PTPRG: variants seen among roughly 807,000 people sequenced by gnomAD.
PTPRG encodes receptor-type tyrosine-protein phosphatase gamma.
A neutral mutation model predicts 165.3 loss-of-function variants in PTPRG; 102 were observed. The ratio of observed to expected loss-of-function variants is 0.62; its 90% CI spans 0.53 to 0.73. The LOEUF is 0.73. Ranked by LOEUF, PTPRG falls within the 30% of genes least tolerant of loss-of-function variation. The pLI, the probability that PTPRG is intolerant of heterozygous loss-of-function variation, is 0.00. For synonymous variants in PTPRG, 675 were observed against 669.5 expected (o/e 1.01, Z -0.13); for missense variants, 1,866 against 1,861.4 (o/e 1.00, Z -0.05).
In PTPRG at chr3:62,195,196, C is replaced by T. The variant is rs779267768; in HGVS notation, c.1327+26C>T. On this transcript the variant is annotated intron_variant, in intron 10 of 29. Transcript: ENST00000474889. This position sits in a 1 kb window ranked among gnomAD's most constrained non-coding sequence, Gnocchi z 4.4. ...GTGAGGCTGGCTTCCCCTCCTGTGG[C>T]CGGGGTGCCCCTGAGACTCCCTCCC... The T allele has an allele frequency of 6.3e-7, 1 of 1,594,934 alleles. No homozygotes were observed. Among genetic ancestry groups the T allele is most frequent in the East Asian group, 2.2e-5 (1 of 44,774 alleles).
chr3:62,006,181 C>T (rs553326514), intron 4 of PTPRG, among the ~76,000 whole-genome samples: 5 of 152,022 alleles, frequency 3.3e-5, no homozygotes, highest in Non-Finnish European at 5.9e-5. Context: ...GGTAAGGCTG[C>T]CTATATCAAT....
At chr3:61,753,710 C>T (rs1458243589) in intron 2 of PTPRG, 1 of 409,430 alleles carries the variant, frequency 2.4e-6, no homozygotes, top group East Asian at 7.2e-5. Context: ...TCTCACGCTT[C>T]AGCCTCTCAA....
chr3:62,030,436 A>G (rs566901418), intron 4 of PTPRG, among the ~76,000 whole-genome samples: 22 of 151,430 alleles, frequency 1.5e-4, no homozygotes, highest in Admixed American at 8.0e-4. Context: ...AGTATTTTTT[A>G]ATGAATGCTA....
At position 62,124,718 on chromosome 3, in the gene PTPRG, T is replaced by A; in HGVS notation, c.616-7884T>A. ...GCTTGGCACCGGACTTGGCTCAGAA[T>A]CACACTGGCTAATTTTTAAAATTCT... is the stretch of plus-strand genomic sequence containing the variant. On this transcript the variant is annotated intron_variant, in intron 5 of 29. Coordinates refer to ENST00000474889, the MANE Select transcript of PTPRG (RefSeq NM_002841.4). The A allele has an allele frequency of 1.4e-5, 8 of 557,306 alleles. No individual in the cohort carries two copies. In the South Asian group the frequency reaches 1.8e-4, roughly 13 times the overall value. 34.5% of individuals were successfully genotyped at this position (557,306 alleles called of 1,614,324 possible). A position where few individuals can be genotyped will look rare whatever the true frequency, so the allele number is the denominator to read the frequency against.
At chr3:62,281,900 A>G (rs544443650) in intron 27 of PTPRG, among the ~76,000 whole-genome samples, 191 bp downstream of exon 27, 1 of 152,118 alleles carries the variant, frequency 6.6e-6, no homozygotes, top group Admixed American at 6.6e-5. Flanking sequence ...GATGAAATGT[A>G]ACAGTTCCTC....
intron 1 of PTPRG, among the ~76,000 whole-genome samples, chr3:61,723,058 C>G (rs1478145282): frequency 3.9e-5 from 6 of 151,984 alleles, no homozygotes; most frequent in African/African-American, 1.4e-4. Context: ...AGTATTCAGT[C>G]TAAGTCAAAT....
chr3:62,276,124 T>C (rs1702226639), intron 24 of PTPRG, among the ~76,000 whole-genome samples, 158 bp downstream of exon 24: 1 of 152,128 alleles, frequency 6.6e-6, no homozygotes, highest in South Asian at 2.1e-4. Context: ...AGTAACCTCA[T>C]TAATGTATGA....
Position 62,271,690 on chromosome 3 carries a change from A to G in PTPRG, c.3182+135A>G. On this transcript the variant is annotated intron_variant, in intron 21 of 29. Coordinates refer to ENST00000474889, the MANE Select transcript of PTPRG (RefSeq NM_002841.4). This position sits in a 1 kb window ranked among gnomAD's most constrained non-coding sequence, Gnocchi z 4.1. ...CTGGAAACTGGGATGGATAAGACCT[A>G]TGATAGTCTTAAAGAGGCTCTATTC... The G allele has an allele frequency of 1.4e-6, 1 of 708,012 alleles. No homozygotes were observed. 43.9% of individuals were successfully genotyped at this position (708,012 alleles called of 1,614,324 possible).
intron 2 of PTPRG, among the ~76,000 whole-genome samples, chr3:61,869,210 T>C (rs190391642): frequency 4.1e-4 from 63 of 152,310 alleles, no homozygotes; most frequent in African/African-American, 1.5e-3. Flanking sequence ...TACCTAGAGA[T>C]TGCCAACTTC....
chr3:61,759,923 AGT>A (rs1390762383), intron 2 of PTPRG, among the ~76,000 whole-genome samples: 10 of 151,866 alleles, frequency 6.6e-5, no homozygotes, highest in African/African-American at 2.4e-4. Context: ...CTGCTGGGAG[AGT>A]ATCTTAGAAT....
In PTPRG at chr3:62,037,499, T is replaced by G. The variant is rs143140902; in HGVS notation, c.519+34002T>G. Among the ~76,000 whole-genome samples the G allele has an allele frequency of 3.3e-3, 503 of 152,318 alleles. 1 individual carries two copies. The highest frequency in any genetic ancestry group is 0.011 in the African/African-American group (468 of 41,578). The stretch of plus-strand genomic sequence containing the variant: ...GTGACAATTGGAATATCTGCAGGCA[T>G]TAGCAAATATCCCTTGGGGGGGCAA... On this transcript the variant is annotated intron_variant, in intron 4 of 29. Transcript: ENST00000474889.
chr3:61,970,695 A>G (rs1249980459), intron 2 of PTPRG, among the ~76,000 whole-genome samples: 1 of 152,132 alleles, frequency 6.6e-6, no homozygotes, highest in Non-Finnish European at 1.5e-5. Context: ...TTGAACTCTT[A>G]AAAAAATTCT....
intron 1 of PTPRG, 98 bp downstream of exon 1, chr3:61,562,470 A>T: frequency 1.7e-6 from 2 of 1,179,302 alleles, no homozygotes; most frequent in Admixed American, 1.8e-5. Context: ...CGTCCGGGAG[A>T]CCCTGGAGAG....
chr3:61,714,750 G>T lies in PTPRG; in HGVS notation c.86-34128G>T, dbSNP rs138754183. Among the ~76,000 whole-genome samples the T allele has an allele frequency of 8.5e-5, 13 of 152,240 alleles. No individual in the cohort carries two copies. In the East Asian group the frequency reaches 2.5e-3, roughly 29 times the overall value. On this transcript the variant is annotated intron_variant, in intron 1 of 29. Coordinates refer to ENST00000474889, the MANE Select transcript of PTPRG (RefSeq NM_002841.4). ...TGTCATTTGTTCAGAGGCGCCACGT[G>T]AGCCTTGATACTGTGAAATGTCCCA...
At chr3:61,748,806 G>A (rs2033313508) in intron 1 of PTPRG, 72 bp from the exon 2 acceptor site, 2 of 1,245,276 alleles carry the variant, frequency 1.6e-6, no homozygotes, top group Non-Finnish European at 2.3e-6. Flanking sequence ...ACCCAATGGT[G>A]TTCATTTGAC....
At chr3:62,039,839 T>TCC (rs11370339) in intron 4 of PTPRG, among the ~76,000 whole-genome samples, 2 of 151,890 alleles carry the variant, frequency 1.3e-5, no homozygotes, top group Admixed American at 1.3e-4. Context: ...TTGCCTTTTT[T>TCC]CCCCCAGCCA....
chr3:62,280,130 A>G (rs974778356), intron 26 of PTPRG, among the ~76,000 whole-genome samples: 4 of 152,054 alleles, frequency 2.6e-5, no homozygotes, highest in East Asian at 3.8e-4. Context: ...AAGACTTTCT[A>G]TGTTATCCCC....
At chr3:61,648,357 C>G (rs1415811879) in intron 1 of PTPRG, among the ~76,000 whole-genome samples, 1 of 152,234 alleles carries the variant, frequency 6.6e-6, no homozygotes, top group Non-Finnish European at 1.5e-5. Context: ...CCCATTCTTT[C>G]CTGCCTTGAA....
chr3:61,911,608 A>G (rs2038806122), intron 2 of PTPRG, among the ~76,000 whole-genome samples: 3 of 152,190 alleles, frequency 2.0e-5, no homozygotes, highest in Admixed American at 6.5e-5. Context: ...CTTAAATGTC[A>G]TTATATACCA....
Sources: allele counts gnomAD v4.1 joint callset (sites outside exome capture counted in the v4.1 genomes callset), GRCh38; gene constraint gnomAD v4.1.1; non-coding constraint Gnocchi (gnomAD v3.1); transcripts MANE v1.5; gene names NCBI Gene and HGNC (gene_info 2026-07-23, HGNC 2026-07-21).